Variants in DNAJC10 observed in about 807,000 individuals in gnomAD.
DNAJC10 encodes endoplasmic reticulum disulfide reductase DNAJC10.
Under a neutral mutation model 115.0 loss-of-function variants are expected in DNAJC10, and 101 were observed. That is an observed-to-expected ratio of 0.88 (90% CI 0.75 to 1.04). The LOEUF (loss-of-function observed/expected upper bound fraction) is 1.04, where lower values mean the gene tolerates loss of function less well. Ranked by LOEUF, DNAJC10 falls within the 50% of genes least tolerant of loss-of-function variation. The pLI is 0.00. For synonymous variants in DNAJC10, 307 were observed against 301.5 expected, an observed-to-expected ratio of 1.02 and a Z score of -0.19; for missense variants, 981 against 928.8, an observed-to-expected ratio of 1.06 and a Z score of -0.73.
Position 182,791,825 on chromosome 2 carries a change from TGC to T in DNAJC10, c.*14694_*14695del, listed in dbSNP as rs1695055759. 2 of 152,208 alleles carry T rather than the reference TGC, an allele frequency of 1.3e-5. No homozygotes were observed. Among genetic ancestry groups the T allele is most frequent in the African/African-American group, 4.8e-5 (2 of 41,470 alleles). The allele number at this position is 152,208 out of a possible 1,614,324, so 9.4% of individuals were successfully genotyped here. A position where few individuals can be genotyped will look rare whatever the true frequency, so the allele number is the denominator to read the frequency against. On this transcript the variant is annotated 3_prime_UTR_variant, in exon 24 of 24. Transcript: ENST00000264065. ...GATTTGCAGTTATCGTTTAATTAAT[TGC>T]AATATGGAAATAGATACTAAAAAAT...
rs1694871127 is a variant in DNAJC10, at chr2:182,782,471, C to T, written c.*5339C>T. On this transcript the variant is annotated 3_prime_UTR_variant, in exon 24 of 24. Transcript: ENST00000264065. ...ATTCTGTGAAGAAAGTCAATGGTAGCTTGATGGGAATAGCATTGAATCTAT... is the reference window on the plus strand; with the variant it reads ...ATTCTGTGAAGAAAGTCAATGGTAGTTTGATGGGAATAGCATTGAATCTAT... 6.6e-6 allele frequency: 1 copy of T among 151,932 alleles called. No individual in the cohort carries two copies. Among genetic ancestry groups the T allele is most frequent in the African/African-American group, 2.4e-5 (1 of 41,342 alleles). The allele number at this position is 151,932 out of a possible 1,614,324, so 9.4% of individuals were successfully genotyped here. A position where few individuals can be genotyped will look rare whatever the true frequency, so the allele number is the denominator to read the frequency against.
At chr2:182,719,493 G>GATCC in intron 3 of DNAJC10, among the ~76,000 whole-genome samples, 1 of 151,964 alleles carries the variant, frequency 6.6e-6, no homozygotes, top group Non-Finnish European at 1.5e-5. Flanking sequence ...GACCTCAAAT[G>GATCC]ATCCACCCTC....
chr2:182,743,433 T>C lies in DNAJC10; in HGVS notation c.1192-165T>C, dbSNP rs535226915. On this transcript the variant is annotated intron_variant, in intron 13 of 23. Coordinates refer to ENST00000264065, the MANE Select transcript of DNAJC10 (RefSeq NM_018981.4). ...TTTTTTTAACTAAATTGAGTCTTAA[T>C]ATTAAATGTAAATGAATTATTTCTG... Among the ~76,000 whole-genome samples the C allele has an allele frequency of 3.3e-5, 5 of 152,356 alleles. No homozygotes were observed. The South Asian group carries it at 1.0e-3, about 32-fold the overall frequency.
chr2:182,785,343 C>T lies in DNAJC10; in HGVS notation c.*8211C>T, dbSNP rs1694927334. ...TCAGGGTTTTCTGGGGCTTTTAGTACTCCTTTGTGAAATAAGACACATAGT... is the reference window on the plus strand; with the variant it reads ...TCAGGGTTTTCTGGGGCTTTTAGTATTCCTTTGTGAAATAAGACACATAGT... On this transcript the variant is annotated 3_prime_UTR_variant, in exon 24 of 24. Transcript: ENST00000264065. The T allele has an allele frequency of 6.6e-6, 1 of 151,636 alleles. No homozygotes were observed. The allele number at this position is 151,636 out of a possible 1,614,324, so 9.4% of individuals were successfully genotyped here.
intron 11 of DNAJC10, chr2:182,739,396 A>G: frequency 7.1e-6 from 3 of 421,918 alleles, no homozygotes; most frequent in Non-Finnish European, 9.7e-6. Context: ...TGTTCGTACA[A>G]GTTTTTAGTG....
chr2:182,763,289 A>G (rs1694331874), intron 22 of DNAJC10, among the ~76,000 whole-genome samples: 1 of 152,152 alleles, frequency 6.6e-6, no homozygotes, highest in Non-Finnish European at 1.5e-5. Flanking sequence ...AGTATTTGCC[A>G]TGTACTCATG....
intron 13 of DNAJC10, 67 bp from the exon 14 acceptor site, chr2:182,743,528 TATC>T: frequency 2.6e-6 from 3 of 1,138,404 alleles, no homozygotes; most frequent in Non-Finnish European, 2.6e-6. Flanking sequence ...ATTTTTGGAT[TATC>T]ATGAATATTT....
Position 182,779,999 on chromosome 2 carries a change from A to G in DNAJC10, c.*2867A>G, listed in dbSNP as rs1694808175. The G allele has an allele frequency of 6.6e-6, 1 of 152,212 alleles. No individual in the cohort carries two copies. The highest frequency in any genetic ancestry group is 2.1e-4 in the South Asian group (1 of 4,834). 9.4% of individuals were successfully genotyped at this position (152,212 alleles called of 1,614,324 possible). A position where few individuals can be genotyped will look rare whatever the true frequency, so the allele number is the denominator to read the frequency against. On this transcript the variant is annotated 3_prime_UTR_variant, in exon 24 of 24. Coordinates refer to ENST00000264065, the MANE Select transcript of DNAJC10 (RefSeq NM_018981.4). ...CATTTATTCCATTGTGACTGTTAAG[A>G]AATAATAAAAGATTAAATTAACAAA...
chr2:182,752,356 A>G (rs1004618414), intron 16 of DNAJC10, among the ~76,000 whole-genome samples, 168 bp downstream of exon 16: 1 of 152,200 alleles, frequency 6.6e-6, no homozygotes, highest in African/African-American at 2.4e-5. Flanking sequence ...ATCAAATATG[A>G]TTGGATTAAA....
At position 182,756,411 on chromosome 2, in the gene DNAJC10, A is replaced by G. The variant is rs376768488; in HGVS notation, c.1751A>G (p.Tyr584Cys). Residue 584 changes from tyrosine to cysteine, a missense_variant, in exon 18 of 24, where the codon TAT becomes TGT. Physicochemically the swap from Tyr to Cys is radical, Grantham distance 194. Transcript: ENST00000264065. The stretch of plus-strand genomic sequence containing the variant: ...AACGAAGTCTGGATGGTTGATTTCT[A>G]TTCTCCGTGGTGTCATCCTTGCCAA... The part of the protein sequence containing the change: ...KHNEVWMVDF[Y>C]SPWCHPCQVL... 29 of 1,613,942 alleles carry G rather than the reference A, an allele frequency of 1.8e-5. No homozygotes were observed. The highest frequency in any genetic ancestry group is 1.8e-4 in the South Asian group (16 of 91,086).
In DNAJC10 at chr2:182,793,481, G is replaced by A. The variant is rs1305622060; in HGVS notation, c.*16349G>A. On this transcript the variant is annotated 3_prime_UTR_variant, in exon 24 of 24. Transcript: ENST00000264065. ...CATCAGGCAGCACTGAGAACCAGAA[G>A]ACATTCAGAGAGCTCTGCTTTGCGA... 1.3e-5 allele frequency: 2 copies of A among 152,140 alleles called. No homozygotes were observed. The highest frequency in any genetic ancestry group is 4.8e-5 in the African/African-American group (2 of 41,420). The allele number at this position is 152,140 out of a possible 1,614,324, so 9.4% of individuals were successfully genotyped here. A position where few individuals can be genotyped will look rare whatever the true frequency, so the allele number is the denominator to read the frequency against.
intron 14 of DNAJC10, among the ~76,000 whole-genome samples, chr2:182,746,481 C>T (rs1282668152): frequency 6.6e-6 from 1 of 152,080 alleles, no homozygotes; most frequent in African/African-American, 2.4e-5. Flanking sequence ...TCTCTGATGG[C>T]CAGTGATGGT....
At position 182,793,865 on chromosome 2, in the gene DNAJC10, CTA is replaced by C. The variant is rs1695097246; in HGVS notation, c.*16734_*16735del. ...ACACACACACACACACACACACACA[CTA>C]CCTACAAAAAAATAACAATTAGAAA... On this transcript the variant is annotated 3_prime_UTR_variant, in exon 24 of 24. Transcript: ENST00000264065. 1 of 143,808 alleles carries C rather than the reference CTA, an allele frequency of 7.0e-6. No homozygotes were observed. The highest frequency in any genetic ancestry group is 1.5e-5 in the Non-Finnish European group (1 of 64,930). 8.9% of individuals were successfully genotyped at this position (143,808 alleles called of 1,614,324 possible).
chr2:182,733,886 C>T (rs180731356), intron 10 of DNAJC10, among the ~76,000 whole-genome samples: 6 of 151,324 alleles, frequency 4.0e-5, no homozygotes, highest in Admixed American at 2.0e-4. Context: ...TTCTTTGAAG[C>T]AAATGTGTAA....
In DNAJC10 at chr2:182,759,016, A is replaced by G. The variant is rs889765403; in HGVS notation, c.1997+126A>G. The G allele has an allele frequency of 1.2e-5, 12 of 1,038,272 alleles. No homozygotes were observed. The African/African-American group carries it at 1.8e-4, about 15-fold the overall frequency. The allele number at this position is 1,038,272 out of a possible 1,614,324, so 64.3% of individuals were successfully genotyped here. A position where few individuals can be genotyped will look rare whatever the true frequency, so the allele number is the denominator to read the frequency against. On this transcript the variant is annotated intron_variant, in intron 20 of 23. Transcript: ENST00000264065. ...ATTTTAAATTACTTAGTAAAGTATT[A>G]TATTAACCAAGATAGTACTGTACTT...
intron 18 of DNAJC10, 87 bp downstream of exon 18, chr2:182,756,556 C>A (rs1044018314): frequency 2.9e-5 from 36 of 1,261,380 alleles, no homozygotes; most frequent in Non-Finnish European, 3.9e-5. Flanking sequence ...TGTGAATGAA[C>A]CCACAACTAA....
intron 10 of DNAJC10, among the ~76,000 whole-genome samples, chr2:182,732,951 C>G (rs1051095132): frequency 2.6e-5 from 4 of 151,838 alleles, no homozygotes; most frequent in African/African-American, 9.7e-5. Context: ...CCCTTTGTGG[C>G]TTTGTGGCTT....
intron 10 of DNAJC10, 145 bp downstream of exon 10, chr2:182,732,687 ATG>A (rs1200493271): frequency 8.2e-6 from 6 of 728,006 alleles, no homozygotes; most frequent in East Asian, 2.7e-5. Flanking sequence ...ATTCATAGCT[ATG>A]TGTTTTTTCC....
rs1207719021 is a variant in DNAJC10, at chr2:182,787,232, TATAC to T, written c.*10101_*10104del. ...TAGGCGTTAAACTTCTTTTGGAAACTATACTGGCTTGACAGTCTCCCCATACTGA... is the reference window on the plus strand; with the variant it reads ...TAGGCGTTAAACTTCTTTTGGAAACTTGGCTTGACAGTCTCCCCATACTGA... On this transcript the variant is annotated 3_prime_UTR_variant, in exon 24 of 24. Transcript: ENST00000264065. The T allele has an allele frequency of 6.6e-6, 1 of 152,224 alleles. No individual in the cohort carries two copies. Among genetic ancestry groups the T allele is most frequent in the Non-Finnish European group, 1.5e-5 (1 of 68,056 alleles). The allele number at this position is 152,224 out of a possible 1,614,324, so 9.4% of individuals were successfully genotyped here.
Sources: gnomAD v4.1 joint callset for allele counts (sites outside exome capture counted in the v4.1 genomes callset) on GRCh38, gnomAD v4.1.1 for gene constraint, MANE v1.5 for transcripts, NCBI Gene and HGNC (gene_info 2026-07-23, HGNC 2026-07-21) for gene names.